CDK19: variants seen among roughly 807,000 people sequenced by gnomAD.
The protein encoded by CDK19 is cyclin dependent kinase 19.
Under a neutral mutation model 68.3 loss-of-function variants are expected in CDK19, and 20 were observed. That is an observed-to-expected ratio of 0.29 (90% CI 0.21 to 0.43). The LOEUF is 0.43. Among genes scored for constraint, CDK19 ranks in the 20% least tolerant of loss-of-function variants. CDK19 has a pLI of 1.00. For synonymous variants in CDK19, 221 were observed against 222.8 expected (o/e 0.99, Z 0.07); for missense variants, 339 against 623.5 (o/e 0.54, Z 4.86).
At chr6:110,642,340 C>CTTGGCA (rs1780256942) in intron 4 of CDK19, among the ~76,000 whole-genome samples, 1 of 146,306 alleles carries the variant, frequency 6.8e-6, no homozygotes, top group African/African-American at 2.5e-5. Context: ...GGGTTCAAGA[C>CTTGGCA]TTGGCATTGC....
At chr6:110,755,697 A>C (rs1161158943) in intron 1 of CDK19, among the ~76,000 whole-genome samples, 1 of 152,232 alleles carries the variant, frequency 6.6e-6, no homozygotes, top group Non-Finnish European at 1.5e-5. Flanking sequence ...AGCAAAGCAG[A>C]CAGAATCAGC....
At chr6:110,780,959 G>C (rs1273606393) in intron 1 of CDK19, among the ~76,000 whole-genome samples, 2 of 152,122 alleles carry the variant, frequency 1.3e-5, no homozygotes, top group African/African-American at 2.4e-5. Context: ...TCTTAGGTAA[G>C]ATAGAAGAAG....
Position 110,799,217 on chromosome 6 carries a change from C to T in CDK19, c.128+15792G>A, listed in dbSNP as rs145040906. On this transcript the variant is annotated intron_variant, in intron 1 of 12. Transcript: ENST00000368911. ...AAAGAAAAGAATCCAAGAAAAACCA[C>T]ACATAGAATACAAAGAAAAACTACT... is the stretch of plus-strand genomic sequence containing the variant. Among the ~76,000 whole-genome samples the T allele has an allele frequency of 5.5e-3, 733 of 132,944 alleles. 7 individuals are homozygous for T. Among genetic ancestry groups the T allele is most frequent in the African/African-American group, 0.019 (689 of 36,242 alleles). 87.2% of individuals were successfully genotyped at this position (132,944 alleles called of 152,430 possible).
At chr6:110,725,401 T>C (rs1776246909) in intron 2 of CDK19, among the ~76,000 whole-genome samples, 1 of 152,096 alleles carries the variant, frequency 6.6e-6, no homozygotes, top group African/African-American at 2.4e-5. Flanking sequence ...AGAAAAATAA[T>C]GACTCAAATG....
chr6:110,757,092 T>C (rs868827371), intron 1 of CDK19, among the ~76,000 whole-genome samples: 1 of 152,290 alleles, frequency 6.6e-6, no homozygotes, highest in East Asian at 1.9e-4. Flanking sequence ...ATTTCTACTC[T>C]GGACACCAGG....
At chr6:110,708,358 A>C (rs1026012383) in intron 2 of CDK19, among the ~76,000 whole-genome samples, 1 of 152,160 alleles carries the variant, frequency 6.6e-6, no homozygotes, top group African/African-American at 2.4e-5. Context: ...CACCCTCCAC[A>C]GTGATTTCTG....
intron 1 of CDK19, chr6:110,813,848 G>A (rs1490020038): frequency 6.6e-6 from 1 of 152,200 alleles, no homozygotes; most frequent in Non-Finnish European, 1.5e-5. Context: ...TGTCATTGTG[G>A]CTGATCATCA....
At chr6:110,765,228 G>A (rs1779493107) in intron 1 of CDK19, among the ~76,000 whole-genome samples, 1 of 151,886 alleles carries the variant, frequency 6.6e-6, no homozygotes, top group Middle Eastern at 3.2e-3. Context: ...GACCAGCCTA[G>A]GCAACATAGC....
In CDK19 at chr6:110,680,829, C is replaced by A. The variant is rs183705405; in HGVS notation, c.205-10288G>T. 6.7e-3 allele frequency among the ~76,000 whole-genome samples: 1,009 copies of A among 151,562 alleles called. 7 individuals carry two copies. The highest frequency in any genetic ancestry group is 0.011 in the Non-Finnish European group (776 of 67,870). ...CTGGACAACATGGCAAAACCCCGTCCCTACTAAAAATACAAAAATTAGCCA... is the reference window on the plus strand; with the variant it reads ...CTGGACAACATGGCAAAACCCCGTCACTACTAAAAATACAAAAATTAGCCA... On this transcript the variant is annotated intron_variant, in intron 2 of 12. Transcript: ENST00000368911.
At chr6:110,663,454 G>C (rs1781734748) in intron 4 of CDK19, among the ~76,000 whole-genome samples, 1 of 152,130 alleles carries the variant, frequency 6.6e-6, no homozygotes, top group African/African-American at 2.4e-5. Flanking sequence ...TGACAATATG[G>C]CACAGATATC....
intron 2 of CDK19, among the ~76,000 whole-genome samples, chr6:110,734,520 G>GCTCTCTTCTCTCTCTCTCTCT (rs1777052152): frequency 1.2e-5 from 1 of 85,734 alleles, no homozygotes; most frequent in Admixed American, 1.9e-4. Context: ...GGTGAGCACT[G>GCTCTCTTCTCTCTCTCTCTCT]CTCTCTCTCT....
chr6:110,779,885 G>C (rs879769506), intron 1 of CDK19, among the ~76,000 whole-genome samples: 3 of 151,970 alleles, frequency 2.0e-5, no homozygotes, highest in African/African-American at 7.2e-5. Flanking sequence ...AGGAGTTTGA[G>C]ACCAGCCTGG....
intron 2 of CDK19, among the ~76,000 whole-genome samples, chr6:110,707,789 T>C (rs879756668): frequency 6.6e-6 from 1 of 152,080 alleles, no homozygotes; most frequent in Admixed American, 6.6e-5. Flanking sequence ...TTGGCCAACA[T>C]GGTGAAACCC....
chr6:110,701,791 T>C (rs1210499333), intron 2 of CDK19, among the ~76,000 whole-genome samples: 2 of 151,992 alleles, frequency 1.3e-5, no homozygotes, highest in East Asian at 1.9e-4. Flanking sequence ...TTGAAGAAAT[T>C]AAAGTCCATC....
chr6:110,633,499 T>C (rs1779576544), intron 5 of CDK19, among the ~76,000 whole-genome samples: 1 of 152,204 alleles, frequency 6.6e-6, no homozygotes, highest in Admixed American at 6.5e-5. Context: ...AATCAGCACA[T>C]TACATGCATG....
At chr6:110,734,520 G>GCGCTCTCTCTCTCTCTCT (rs1554214772) in intron 2 of CDK19, among the ~76,000 whole-genome samples, 3 of 85,734 alleles carry the variant, frequency 3.5e-5, no homozygotes. Context: ...GGTGAGCACT[G>GCGCTCTCTCTCTCTCTCT]CTCTCTCTCT....
At chr6:110,670,179 A>C (rs1429865258) in intron 3 of CDK19, among the ~76,000 whole-genome samples, 1 of 148,066 alleles carries the variant, frequency 6.8e-6, no homozygotes, top group Non-Finnish European at 1.5e-5. Flanking sequence ...CCCCGGGCCA[A>C]AAAAAGTATA....
intron 1 of CDK19, 169 bp downstream of exon 1, chr6:110,814,840 A>G (rs1783476388): frequency 3.6e-6 from 3 of 837,330 alleles, no homozygotes; most frequent in Non-Finnish European, 5.6e-6. Context: ...CGCGCGGGGG[A>G]GGCGGGCGGA....
At chr6:110,696,055 C>T (rs1773455136) in intron 2 of CDK19, among the ~76,000 whole-genome samples, 1 of 152,040 alleles carries the variant, frequency 6.6e-6, no homozygotes, top group African/African-American at 2.4e-5. Context: ...AAAAAGAAAA[C>T]CACTGACCAA....
Sources: allele counts gnomAD v4.1 joint callset (sites outside exome capture counted in the v4.1 genomes callset), GRCh38; gene constraint gnomAD v4.1.1; transcripts MANE v1.5; gene names NCBI Gene and HGNC (gene_info 2026-07-23, HGNC 2026-07-21).